Variants in NEDD4L observed in about 807,000 individuals in gnomAD.
NEDD4L encodes the protein E3 ubiquitin-protein ligase NEDD4-like.
A neutral mutation model predicts 148.9 loss-of-function variants in NEDD4L; 54 were observed. The ratio of observed to expected loss-of-function variants is 0.36; its 90% confidence interval spans 0.29 to 0.45. NEDD4L has a LOEUF of 0.45. Among genes scored for constraint, NEDD4L ranks in the 20% least tolerant of loss-of-function variants. The probability of loss-of-function intolerance (pLI) is 1.00; values close to 1 mark genes in which losing one functional copy is unlikely to be tolerated. For synonymous variants in NEDD4L, 433 were observed against 440.7 expected (o/e 0.98, Z 0.22); for missense variants, 856 against 1,233.8 (o/e 0.69, Z 4.59).
At chr18:58,351,917 A>C (rs1041833156) in intron 18 of NEDD4L, among the ~76,000 whole-genome samples, 17 of 152,322 alleles carry the variant, frequency 1.1e-4, no homozygotes, top group Admixed American at 2.6e-4. Context: ...GTCTGGCCAC[A>C]AGTAATCCTC....
chr18:58,262,551 C>T (rs1462499203), intron 5 of NEDD4L, among the ~76,000 whole-genome samples: 1 of 151,678 alleles, frequency 6.6e-6, no homozygotes, highest in Non-Finnish European at 1.5e-5. Context: ...ATCTCTTGAA[C>T]CCGGGAGGCG....
intron 1 of NEDD4L, among the ~76,000 whole-genome samples, chr18:58,099,257 C>A (rs1300002302): frequency 6.6e-6 from 1 of 152,046 alleles, no homozygotes; most frequent in Non-Finnish European, 1.5e-5. Context: ...TAGCTCACTG[C>A]AACCCTGAAG....
chr18:58,274,811 G>A (rs1313053844), intron 5 of NEDD4L, among the ~76,000 whole-genome samples: 4 of 152,190 alleles, frequency 2.6e-5, no homozygotes, highest in African/African-American at 9.7e-5. Flanking sequence ...ATCAGATACT[G>A]TGCCCTGTGA....
At chr18:58,073,261 A>G (rs76352974) in intron 1 of NEDD4L, among the ~76,000 whole-genome samples, 3,054 of 152,170 alleles carry the variant, frequency 0.02, 117 homozygotes, top group African/African-American at 0.069. Flanking sequence ...TAAAAATCAC[A>G]TGGAAATGTA....
chr18:58,267,972 T>C (rs923550940), intron 5 of NEDD4L, among the ~76,000 whole-genome samples: 11 of 152,058 alleles, frequency 7.2e-5, no homozygotes, highest in African/African-American at 2.4e-4. Context: ...GGTCGTCGTT[T>C]TTTGCCCCTA....
intron 5 of NEDD4L, among the ~76,000 whole-genome samples, chr18:58,286,400 A>G (rs2053912057): frequency 6.6e-6 from 1 of 152,268 alleles, no homozygotes. Context: ...TGAGTCTTAT[A>G]TAAAGTGTTT....
At chr18:58,102,890 T>C (rs1023584081) in intron 1 of NEDD4L, among the ~76,000 whole-genome samples, 3 of 152,310 alleles carry the variant, frequency 2.0e-5, no homozygotes, top group Admixed American at 1.3e-4. Flanking sequence ...AAATAAAATA[T>C]GTACTGTAAA....
chr18:58,182,905 G>A (rs1172623778), intron 2 of NEDD4L, among the ~76,000 whole-genome samples: 1 of 152,188 alleles, frequency 6.6e-6, no homozygotes, highest in Non-Finnish European at 1.5e-5. Flanking sequence ...AACTGCAGAG[G>A]AAGGTACCTT....
At chr18:58,380,577 A>G (rs557157449) in intron 24 of NEDD4L, among the ~76,000 whole-genome samples, 41 of 152,104 alleles carry the variant, frequency 2.7e-4, no homozygotes, top group Admixed American at 9.2e-4. Flanking sequence ...CGGCCTCCCA[A>G]ATTTTTTTTA....
chr18:58,388,773 G>A (rs140036802), intron 27 of NEDD4L: 126 of 338,808 alleles, frequency 3.7e-4, no homozygotes, highest in African/African-American at 1.0e-3. Context: ...CTGCTGGAGC[G>A]TGAGAGAATC....
At chr18:58,125,490 A>G (rs868662202) in intron 1 of NEDD4L, among the ~76,000 whole-genome samples, 4 of 152,044 alleles carry the variant, frequency 2.6e-5, no homozygotes, top group African/African-American at 9.7e-5. Flanking sequence ...CGATGTGTTC[A>G]TGGTAGAAAT....
chr18:58,299,406 T>C (rs1038486719), intron 5 of NEDD4L, among the ~76,000 whole-genome samples: 2 of 152,266 alleles, frequency 1.3e-5, no homozygotes, highest in Non-Finnish European at 2.9e-5. Context: ...AACATTGATA[T>C]ATTTCTTGGC....
intron 1 of NEDD4L, among the ~76,000 whole-genome samples, chr18:58,108,811 T>G (rs1333413767): frequency 6.6e-6 from 1 of 152,266 alleles, no homozygotes; most frequent in Non-Finnish European, 1.5e-5. Context: ...GCTCTGTCAC[T>G]TAATAGCTTT....
At chr18:58,228,981 G>T (rs1212750875) in intron 2 of NEDD4L, among the ~76,000 whole-genome samples, 2 of 152,164 alleles carry the variant, frequency 1.3e-5, no homozygotes, top group Non-Finnish European at 2.9e-5. Flanking sequence ...TCGAGGCGCG[G>T]CTCACAACTA....
chr18:58,318,336 G>A (rs1264585917), intron 6 of NEDD4L, among the ~76,000 whole-genome samples: 3 of 152,160 alleles, frequency 2.0e-5, no homozygotes, highest in African/African-American at 7.2e-5. Context: ...CAGGAGGATC[G>A]CTTGAGTCCA....
In NEDD4L at chr18:58,390,635, T is replaced by C; in HGVS notation, c.2656-11T>C. 1 of 1,564,982 alleles carries C rather than the reference T, an allele frequency of 6.4e-7. No homozygotes were observed. Among genetic ancestry groups the C allele is most frequent in the East Asian group, 2.3e-5 (1 of 43,080 alleles). ...GTGGGGGGTATAATGACCTTCTGCCTCTGTTCATAGGCTGTGCTACTCATG... is the reference window on the plus strand; with the variant it reads ...GTGGGGGGTATAATGACCTTCTGCCCCTGTTCATAGGCTGTGCTACTCATG... On this transcript the variant is annotated splice_polypyrimidine_tract_variant and intron_variant, in intron 28 of 30. Transcript: ENST00000400345.
chr18:58,183,992 AC>A (rs543365429), intron 2 of NEDD4L, among the ~76,000 whole-genome samples: 1 of 152,112 alleles, frequency 6.6e-6, no homozygotes, highest in East Asian at 2.0e-4. Flanking sequence ...ACATGGTGAA[AC>A]CCCGTCTCTA....
At chr18:58,249,230 T>C (rs1341024783) in intron 4 of NEDD4L, among the ~76,000 whole-genome samples, 3 of 152,182 alleles carry the variant, frequency 2.0e-5, no homozygotes, top group Non-Finnish European at 4.4e-5. Flanking sequence ...AAAATATCAT[T>C]TATGAGAATG....
chr18:58,156,201 G>A (rs906494827), intron 1 of NEDD4L, among the ~76,000 whole-genome samples: 2 of 152,196 alleles, frequency 1.3e-5, no homozygotes, highest in African/African-American at 2.4e-5. Flanking sequence ...AGAAGCGTTG[G>A]TGTTCTTCCT....
Sources: gnomAD v4.1 joint callset for allele counts (sites outside exome capture counted in the v4.1 genomes callset) on GRCh38, gnomAD v4.1.1 for gene constraint, MANE v1.5 for transcripts, NCBI Gene and HGNC (gene_info 2026-07-23, HGNC 2026-07-21) for gene names.